Variants in MRPL42 observed in about 807,000 individuals in gnomAD.
The protein encoded by MRPL42 is mitochondrial ribosomal protein L42, also known as large ribosomal subunit protein mL42.
Under a neutral mutation model 17.9 loss-of-function variants are expected in MRPL42, and 17 were observed. The observed-to-expected ratio is 0.95, with a 90% CI of 0.65 to 1.42. The LOEUF (loss-of-function observed/expected upper bound fraction) is 1.42. Among genes scored for constraint, MRPL42 ranks in the 40% most tolerant of loss-of-function variants. MRPL42 has a pLI of 0.00. For missense variants in MRPL42, 177 were observed against 175.2 expected (o/e 1.01, Z -0.06); for synonymous variants, 59 against 54.4 (o/e 1.08, Z -0.37).
intron 4 of MRPL42, among the ~76,000 whole-genome samples, chr12:93,483,795 TA>T (rs751100015): frequency 1.6e-4 from 24 of 152,206 alleles, no homozygotes; most frequent in East Asian, 1.2e-3. Context: ...TTAATAAACT[TA>T]AAAAAAATTT....
chr12:93,484,979 C>CATATATATATATATATAT (rs4020795), intron 4 of MRPL42, among the ~76,000 whole-genome samples: 1 of 22,470 alleles, frequency 4.5e-5, no homozygotes, highest in Non-Finnish European at 1.1e-4. Flanking sequence ...CACACACACA[C>CATATATATATATATATAT]ATATATATAT....
chr12:93,481,213 G>T (rs986544874), intron 4 of MRPL42, among the ~76,000 whole-genome samples: 10 of 152,024 alleles, frequency 6.6e-5, no homozygotes, highest in African/African-American at 2.4e-4. Context: ...TACTACCCTT[G>T]GCAAAATCTC....
Position 93,509,058 on chromosome 12 carries a change from G to A in MRPL42, c.*7837G>A, listed in dbSNP as rs992421598. The A allele has an allele frequency of 3.9e-5, 6 of 151,972 alleles. No individual in the cohort carries two copies. The highest frequency in any genetic ancestry group is 3.9e-4 in the Admixed American group (6 of 15,232). The allele number at this position is 151,972 out of a possible 1,614,324, so 9.4% of individuals were successfully genotyped here. A position where few individuals can be genotyped will look rare whatever the true frequency, so the allele number is the denominator to read the frequency against. ...CAAAAATTAGCTGGGTGTGGTGGCA[G>A]GCATCTGTAATCCTAGCTACTCAGG... is the stretch of plus-strand genomic sequence containing the variant. On this transcript the variant is annotated 3_prime_UTR_variant, in exon 6 of 6. Transcript: ENST00000549982.
chr12:93,484,214 A>G (rs140338557), intron 4 of MRPL42, among the ~76,000 whole-genome samples: 47 of 152,194 alleles, frequency 3.1e-4, no homozygotes, highest in African/African-American at 1.1e-3. Flanking sequence ...TGCATAAACC[A>G]GTTGCCTAGT....
At chr12:93,497,137 G>A (rs901446546) in intron 5 of MRPL42, among the ~76,000 whole-genome samples, 4 of 152,046 alleles carry the variant, frequency 2.6e-5, no homozygotes, top group Non-Finnish European at 4.4e-5. Context: ...TCTACCAGAT[G>A]TGCAAAGAGC....
At chr12:93,486,448 G>A (rs571823600) in intron 4 of MRPL42, among the ~76,000 whole-genome samples, 187 of 152,264 alleles carry the variant, frequency 1.2e-3, no homozygotes, top group African/African-American at 4.3e-3. Context: ...GGGCTACAGC[G>A]ATTCTCCTTC....
intron 3 of MRPL42, among the ~76,000 whole-genome samples, chr12:93,477,907 C>A (rs1024639407): frequency 1.1e-4 from 17 of 152,062 alleles, no homozygotes; most frequent in Admixed American, 7.9e-4. Context: ...AGGTAATCTG[C>A]CCACCTGGGC....
chr12:93,482,798 C>G (rs1880522161), intron 4 of MRPL42, among the ~76,000 whole-genome samples: 1 of 152,014 alleles, frequency 6.6e-6, no homozygotes, highest in Non-Finnish European at 1.5e-5. Flanking sequence ...GTTGTCCAAA[C>G]TGATCTTGAA....
intron 5 of MRPL42, among the ~76,000 whole-genome samples, chr12:93,491,345 G>A (rs1206167856): frequency 1.3e-5 from 2 of 152,218 alleles, no homozygotes; most frequent in African/African-American, 2.4e-5. Flanking sequence ...CCTAGATGTT[G>A]AACATCTTTT....
At chr12:93,471,053 G>C (rs1289717542) in intron 2 of MRPL42, among the ~76,000 whole-genome samples, 3 of 152,326 alleles carry the variant, frequency 2.0e-5, no homozygotes, top group Middle Eastern at 6.8e-3. Flanking sequence ...GAAGAATGGA[G>C]TATAAGTAAA....
At chr12:93,489,976 A>G (rs568202846) in intron 5 of MRPL42, among the ~76,000 whole-genome samples, 1 of 152,314 alleles carries the variant, frequency 6.6e-6, no homozygotes, top group Non-Finnish European at 1.5e-5. Context: ...AAATCTCATT[A>G]TATTCTGAGA....
At chr12:93,492,600 A>G (rs1454510624) in intron 5 of MRPL42, among the ~76,000 whole-genome samples, 3 of 152,228 alleles carry the variant, frequency 2.0e-5, no homozygotes, top group Non-Finnish European at 4.4e-5. Context: ...AGTGGATTCA[A>G]AACTTTTATC....
chr12:93,491,733 G>C (rs906570511), intron 5 of MRPL42, among the ~76,000 whole-genome samples: 2 of 152,134 alleles, frequency 1.3e-5, no homozygotes, highest in African/African-American at 2.4e-5. Flanking sequence ...CAGTGAGGTA[G>C]TGCCCAATAG....
chr12:93,496,268 AG>A (rs1264623400), intron 5 of MRPL42, among the ~76,000 whole-genome samples: 5 of 152,084 alleles, frequency 3.3e-5, no homozygotes, highest in Non-Finnish European at 5.9e-5. Flanking sequence ...CATGTTGGCC[AG>A]GCTGGTCTTG....
intron 5 of MRPL42, among the ~76,000 whole-genome samples, chr12:93,499,879 C>G (rs1953559244): frequency 6.6e-6 from 1 of 152,138 alleles, no homozygotes; most frequent in African/African-American, 2.4e-5. Flanking sequence ...ACATGTCTTA[C>G]CATTTATAGT....
chr12:93,500,978 A>C, intron 5 of MRPL42, 198 bp from the exon 6 acceptor site: 1 of 466,066 alleles, frequency 2.1e-6, no homozygotes, highest in Non-Finnish European at 3.9e-6. Context: ...CTAGAAAAAA[A>C]AAATGATTAG....
At chr12:93,487,796 T>A in intron 5 of MRPL42, 136 bp downstream of exon 5, 1 of 792,422 alleles carries the variant, frequency 1.3e-6, no homozygotes, top group Non-Finnish European at 1.9e-6. Flanking sequence ...TACTATGTTG[T>A]ACTTTTTTTT....
Position 93,499,565 on chromosome 12 carries a change from T to C in MRPL42, c.384-1611T>C, listed in dbSNP as rs550824313. Among the ~76,000 whole-genome samples, 5 of 152,278 alleles carry C rather than the reference T, an allele frequency of 3.3e-5. No individual in the cohort carries two copies. In the South Asian group the frequency reaches 6.2e-4, roughly 19 times the overall value. ...AGAATGCCTTTCAGAGACACTATTG[T>C]ACTAGTACAACCTTGATTATCTGGT... On this transcript the variant is annotated intron_variant, in intron 5 of 5. Transcript: ENST00000549982.
chr12:93,470,013 G>A (rs948802855), intron 2 of MRPL42, among the ~76,000 whole-genome samples: 6 of 149,354 alleles, frequency 4.0e-5, no homozygotes, highest in Non-Finnish European at 8.9e-5. Context: ...TGGCTCTGTC[G>A]CCCAGGCTGG....
Sources: gnomAD v4.1 joint callset for allele counts (sites outside exome capture counted in the v4.1 genomes callset) on GRCh38, gnomAD v4.1.1 for gene constraint, MANE v1.5 for transcripts, NCBI Gene and HGNC (gene_info 2026-07-23, HGNC 2026-07-21) for gene names.